Variants in PLEKHG1 observed in about 807,000 individuals in gnomAD.
PLEKHG1 encodes the protein pleckstrin homology domain-containing family G member 1.
Under a neutral mutation model 100.8 loss-of-function variants are expected in PLEKHG1, and 44 were observed. The ratio of observed to expected loss-of-function variants is 0.44; its 90% CI spans 0.34 to 0.56. The LOEUF is 0.56. Ranked by LOEUF, PLEKHG1 falls within the 20% of genes least tolerant of loss-of-function variation. The pLI is 0.01. For missense variants in PLEKHG1, 1,545 were observed against 1,720.9 expected, an observed-to-expected ratio of 0.90 and a Z score of 1.81; for synonymous variants, 640 against 662.5, an observed-to-expected ratio of 0.97 and a Z score of 0.52.
intron 1 of PLEKHG1, among the ~76,000 whole-genome samples, chr6:150,613,773 T>C (rs1281748181): frequency 6.6e-6 from 1 of 152,196 alleles, no homozygotes; most frequent in African/African-American, 2.4e-5. Context: ...GGTTACTCCT[T>C]CTTACTGTGC....
chr6:150,766,237 G>C (rs1157263937), intron 2 of PLEKHG1, among the ~76,000 whole-genome samples: 9 of 152,312 alleles, frequency 5.9e-5, no homozygotes, highest in Admixed American at 3.9e-4. Flanking sequence ...CAGTGCAAAA[G>C]TTTTAAATTG....
intron 1 of PLEKHG1, among the ~76,000 whole-genome samples, chr6:150,623,602 G>A (rs922614277): frequency 1.2e-4 from 19 of 152,306 alleles, no homozygotes; most frequent in Admixed American, 7.8e-4. Context: ...CAGCCCTTGC[G>A]CGTACTGCAA....
chr6:150,612,273 A>AGAACACGAACTGTTCT (rs2128553745), intron 1 of PLEKHG1, among the ~76,000 whole-genome samples: 1 of 152,282 alleles, frequency 6.6e-6, no homozygotes, highest in South Asian at 2.1e-4. Context: ...TTGATATATT[A>AGAACACGAACTGTTCT]ATAACTAGAA....
chr6:150,703,181 C>T (rs1034383333), intron 3 of PLEKHG1, among the ~76,000 whole-genome samples: 1 of 103,364 alleles, frequency 9.7e-6, no homozygotes, highest in Non-Finnish European at 2.0e-5. Context: ...CTTCCCACTT[C>T]TCTCCTTCCT....
intron 1 of PLEKHG1, among the ~76,000 whole-genome samples, chr6:150,722,157 C>T (rs943208303): frequency 6.6e-6 from 1 of 151,820 alleles, no homozygotes; most frequent in Non-Finnish European, 1.5e-5. Flanking sequence ...AAATTAGGAT[C>T]GTATTATATG....
rs752232803 is a variant in PLEKHG1 at position 150,830,722 on chromosome 6, G to C, written c.1611G>C (p.Gln537His). The stretch of plus-strand genomic sequence containing the variant: ...TCAGAAACATCTGGACCGATCACCA[G>C]ATCAGGCAAGCCTTGTTTCCCAGCC... Residue 537 changes from glutamine (Q) to histidine (H), a missense_variant, in exon 15 of 16, where the codon CAG becomes CAC. Coordinates refer to ENST00000358517, the Ensembl canonical transcript of PLEKHG1. The C allele has an allele frequency of 4.3e-6, 7 of 1,614,104 alleles. No individual in the cohort carries two copies. The African/African-American group carries it at 8.0e-5, about 18-fold the overall frequency.
chr6:150,778,343 G>A (rs566283773), intron 3 of PLEKHG1, among the ~76,000 whole-genome samples: 3 of 152,248 alleles, frequency 2.0e-5, no homozygotes, highest in South Asian at 2.1e-4. Flanking sequence ...GGCCAGGTTG[G>A]TCTCAAACTC....
intron 3 of PLEKHG1, among the ~76,000 whole-genome samples, chr6:150,666,569 C>T (rs1046194924): frequency 1.3e-5 from 2 of 152,114 alleles, no homozygotes; most frequent in African/African-American, 2.4e-5. Context: ...TCTGCAGTAC[C>T]TAGGTGTTCA....
chr6:150,620,909 G>A (rs1777272709), intron 1 of PLEKHG1, among the ~76,000 whole-genome samples: 2 of 152,108 alleles, frequency 1.3e-5, no homozygotes, highest in African/African-American at 2.4e-5. Flanking sequence ...TCTCTCTTAG[G>A]AACACCCAAA....
At chr6:150,843,024 T>C (rs1457237743) in exon 16 of PLEKHG1, 1 of 152,192 alleles carries the variant, frequency 6.6e-6, no homozygotes, top group Non-Finnish European at 1.5e-5. Context: ...GAAAGTATGT[T>C]TTTAGAGGTG....
intron 10 of PLEKHG1, among the ~76,000 whole-genome samples, chr6:150,815,543 G>A (rs1787819144): frequency 6.6e-6 from 1 of 152,182 alleles, no homozygotes. Context: ...GCACTTCCCA[G>A]AGAGAGACTG....
rs533531289 is a variant in PLEKHG1 at position 150,828,313 on chromosome 6, G to A, written c.1471-2269G>A. The A allele has an allele frequency of 2.9e-5, 46 of 1,611,912 alleles. No homozygotes were observed. The South Asian group carries it at 4.8e-4, about 17-fold the overall frequency. On this transcript the variant is annotated intron_variant, in intron 14 of 15. Transcript: ENST00000358517. ...GGAGGAAAACCCTAAGAAGCCGATT[G>A]AAGACGTGTTGCTCTCCTCAGTGCG...
At chr6:150,722,501 G>A (rs911339852) in intron 1 of PLEKHG1, among the ~76,000 whole-genome samples, 2 of 151,658 alleles carry the variant, frequency 1.3e-5, no homozygotes, top group Non-Finnish European at 2.9e-5. Context: ...TTACAGGCAC[G>A]CGCCACCATG....
chr6:150,633,336 G>C (rs1016457449), intron 1 of PLEKHG1: 2 of 153,712 alleles, frequency 1.3e-5, no homozygotes, highest in African/African-American at 4.8e-5. Context: ...CTGGCAGGCA[G>C]AGCAGGGAGC....
intron 14 of PLEKHG1, chr6:150,827,725 C>A: frequency 1.5e-6 from 2 of 1,301,692 alleles, no homozygotes; most frequent in Non-Finnish European, 2.2e-6. Context: ...GTTTCTTACC[C>A]GCCAAGGAAA....
chr6:150,827,926 A>G, intron 14 of PLEKHG1: 1 of 1,599,560 alleles, frequency 6.3e-7, no homozygotes, highest in Non-Finnish European at 8.6e-7. Flanking sequence ...ACTAAACTGA[A>G]GAATAAATCT....
intron 1 of PLEKHG1, among the ~76,000 whole-genome samples, chr6:150,614,974 G>A (rs943645739): frequency 6.6e-6 from 1 of 152,120 alleles, no homozygotes; most frequent in Non-Finnish European, 1.5e-5. Context: ...TGAAATTAGA[G>A]CTGTATTCCT....
At chr6:150,743,525 C>A (rs1782992227) in intron 2 of PLEKHG1, among the ~76,000 whole-genome samples, 1 of 152,142 alleles carries the variant, frequency 6.6e-6, no homozygotes, top group African/African-American at 2.4e-5. Context: ...GACTCCATCT[C>A]AAAAAATAAA....
rs143432598 is a variant in PLEKHG1 at position 150,811,980 on chromosome 6, G to A, written c.1278+2246G>A. ...TAGAAAGGAGCTGAGCAGTGCTGCC[G>A]TGGAGCCACAGCGACAGAGGGAACA... On this transcript the variant is annotated intron_variant, in intron 10 of 15. Transcript: ENST00000358517. Among the ~76,000 whole-genome samples the A allele has an allele frequency of 1.9e-3, 287 of 152,320 alleles. 3 individuals are homozygous for A. Among genetic ancestry groups the A allele is most frequent in the Non-Finnish European group, 3.5e-3 (237 of 68,036 alleles).
Sources: gnomAD v4.1 joint callset for allele counts (sites outside exome capture counted in the v4.1 genomes callset) on GRCh38, gnomAD v4.1.1 for gene constraint, MANE v1.5 for transcripts, NCBI Gene and HGNC (gene_info 2026-07-23, HGNC 2026-07-21) for gene names.